Variants in GZF1 observed in about 807,000 individuals in gnomAD.
GZF1 encodes GDNF inducible zinc finger protein 1.
Under a neutral mutation model 49.4 loss-of-function variants are expected in GZF1, and 28 were observed. The ratio of observed to expected loss-of-function variants is 0.57; its 90% CI spans 0.42 to 0.78. The LOEUF is 0.78. Among genes scored for constraint, GZF1 ranks in the 30% least tolerant of loss-of-function variants. The probability of loss-of-function intolerance (pLI) is 0.00; values close to 1 mark genes in which losing one functional copy is unlikely to be tolerated. For missense variants in GZF1, 798 were observed against 916.2 expected (o/e 0.87, Z 1.67); for synonymous variants, 364 against 356.0 (o/e 1.02, Z -0.25).
In GZF1 at chr20:23,365,027, C is replaced by T. The variant is rs1981141630; in HGVS notation, c.644C>T (p.Pro215Leu). The change falls in exon 2 of 6, where the codon CCC (proline) becomes CTC (leucine). Residue 215 changes from proline to leucine, a missense_variant. Pro to Leu is a moderately conservative substitution (Grantham distance 98). Around this residue, in one of 3 missense-constraint regions of GZF1, gnomAD observed 247 missense variants for 228.5 expected, o/e 1.08. Transcript: ENST00000338121. ...LDKKKEVVKPPYPKIRRASGR... is the reference protein window; with the variant it reads ...LDKKKEVVKPLYPKIRRASGR... ...AAGAAGAAAGAGGTAGTTAAACCTC[C>T]CTACCCTAAAATCAGGAGAGCTAGT... The T allele has an allele frequency of 3.1e-6, 5 of 1,614,026 alleles. No homozygotes were observed. The highest frequency in any genetic ancestry group is 4.2e-6 in the Non-Finnish European group (5 of 1,180,040).
chr20:23,368,267 G>A (rs1420339104), intron 3 of GZF1, among the ~76,000 whole-genome samples: 1 of 152,200 alleles, frequency 6.6e-6, no homozygotes, highest in African/African-American at 2.4e-5. Flanking sequence ...TGGTAAGTCT[G>A]ATTTGTGGGA....
Position 23,368,864 on chromosome 20 carries a change from G to T in GZF1, c.1562G>T (p.Cys521Phe), listed in dbSNP as rs765319099. 3 of 1,613,992 alleles carry T rather than the reference G, an allele frequency of 1.9e-6. No individual in the cohort carries two copies. In the East Asian group the frequency reaches 6.7e-5, roughly 36 times the overall value. The stretch of plus-strand genomic sequence containing the variant: ...CATACTGGATCCAAACCCTTTAAAT[G>T]TGAAGTATGTTTCAGGACTTTTGCC... The part of the protein sequence containing the change: ...RIHTGSKPFK[C>F]EVCFRTFAQR... Residue 521 changes from cysteine to phenylalanine, a missense_variant, in exon 4 of 6, where the codon TGT becomes TTT. Cys to Phe is a radical substitution (Grantham distance 205, BLOSUM62 -2). This residue lies in a region of GZF1 where 446 missense variants were observed against 540.1 expected (regional missense o/e 0.83). Coordinates refer to ENST00000338121, the MANE Select transcript of GZF1 (RefSeq NM_022482.5).
chr20:23,362,385 GC>G, intron 1 of GZF1, 148 bp downstream of exon 1: 1 of 152,632 alleles, frequency 6.6e-6, no homozygotes. Flanking sequence ...GATCCACGCG[GC>G]CCCGGATGCC....
chr20:23,364,284 G>A (rs980721837), intron 1 of GZF1, 79 bp from the exon 2 acceptor site: 1 of 777,820 alleles, frequency 1.3e-6, no homozygotes, highest in South Asian at 1.7e-5. Context: ...ATCCTCTCAA[G>A]TACTGAAGGA....
rs2123086788 is a variant in GZF1, at chr20:23,370,485, G to GA, written c.*44_*45insA. 1 of 1,252,474 alleles carries GA rather than the reference G, an allele frequency of 8.0e-7. No homozygotes were observed. The highest frequency in any genetic ancestry group is 2.3e-5 in the East Asian group (1 of 43,188). The allele number at this position is 1,252,474 out of a possible 1,614,324, so 77.6% of individuals were successfully genotyped here. A position where few individuals can be genotyped will look rare whatever the true frequency, so the allele number is the denominator to read the frequency against. Reference sequence around the variant, plus strand: ...ATCCTGTTAGTCTGCGTGTGTGGTAGCTGAACTCAAGATGATGTGGGGCTA... The same window carrying GA: ...ATCCTGTTAGTCTGCGTGTGTGGTAGACTGAACTCAAGATGATGTGGGGCTA... On this transcript the variant is annotated 3_prime_UTR_variant, in exon 6 of 6. Transcript: ENST00000338121.
chr20:23,368,623 A>G (rs893585151), intron 3 of GZF1, 139 bp from the exon 4 acceptor site: 10 of 472,182 alleles, frequency 2.1e-5, no homozygotes, highest in African/African-American at 1.0e-4. Flanking sequence ...ATATTTTATG[A>G]TAGTTTTTAC....
intron 2 of GZF1, among the ~76,000 whole-genome samples, chr20:23,366,675 A>G (rs1248536807): frequency 6.6e-6 from 1 of 152,212 alleles, no homozygotes; most frequent in Non-Finnish European, 1.5e-5. Flanking sequence ...AGCTTTACAA[A>G]TATCAGATTG....
Position 23,368,884 on chromosome 20 carries a change from T to C in GZF1, c.1582T>C (p.Phe528Leu). ...PFKCEVCFRT[F>L]AQRNSLYQHI... The stretch of plus-strand genomic sequence containing the variant: ...TAAATGTGAAGTATGTTTCAGGACT[T>C]TTGCCCAGCGGAATTCACTGTACCA... Residue 528 changes from phenylalanine to leucine, a missense_variant, in exon 4 of 6, where the codon TTT (phenylalanine) becomes CTT (leucine). Coordinates refer to ENST00000338121, the MANE Select transcript of GZF1 (RefSeq NM_022482.5). 6.2e-7 allele frequency: 1 copy of C among 1,613,926 alleles called. No homozygotes were observed. The highest frequency in any genetic ancestry group is 1.1e-5 in the South Asian group (1 of 91,038).
At chr20:23,368,733 TTA>T (rs752120343) in intron 3 of GZF1, 27 bp from the exon 4 acceptor site, 16 of 1,583,288 alleles carry the variant, frequency 1.0e-5, no homozygotes, top group East Asian at 6.8e-5. Flanking sequence ...CCTGTATTGT[TTA>T]TGACTTTATT....
Position 23,364,988 on chromosome 20 carries a change from A to C in GZF1, c.605A>C (p.Lys202Thr). 6.2e-7 allele frequency: 1 copy of C among 1,614,248 alleles called. No homozygotes were observed. Among genetic ancestry groups the C allele is most frequent in the Non-Finnish European group, 8.5e-7 (1 of 1,180,056 alleles). Reference sequence around the variant, plus strand: ...TCAGATTTGCCACCGAAGAAGTCCAAGGACAAACTAGACAAGAAGAAAGAG... The same window carrying C: ...TCAGATTTGCCACCGAAGAAGTCCACGGACAAACTAGACAAGAAGAAAGAG... Reference protein sequence around the residue: ...MSSDLPPKKSKDKLDKKKEVV... With the variant: ...MSSDLPPKKSTDKLDKKKEVV... Residue 202 changes from lysine to threonine, a missense_variant, in exon 2 of 6, where the codon AAG becomes ACG. This residue lies in a region of GZF1 where 247 missense variants were observed against 228.5 expected (regional missense o/e 1.08). Coordinates refer to ENST00000338121, the MANE Select transcript of GZF1 (RefSeq NM_022482.5).
intron 5 of GZF1, 124 bp from the exon 6 acceptor site, chr20:23,369,967 G>A (rs1370971394): frequency 1.2e-5 from 11 of 926,932 alleles, no homozygotes; most frequent in Non-Finnish European, 1.7e-5. Context: ...AACAGTGAGG[G>A]TGGTGGCAGG....
chr20:23,368,811 G>A lies in GZF1; in HGVS notation c.1509G>A (p.Lys503=), dbSNP rs1425080967. 6.2e-7 allele frequency: 1 copy of A among 1,612,796 alleles called. No individual in the cohort carries two copies. The highest frequency in any genetic ancestry group is 2.2e-5 in the East Asian group (1 of 44,846). ...CATGTGGCAAGAGTTTTGCTTCTAA[G>A]GAGTACTTAAAACACCACAATAGAA... ...CETCGKSFAS[K]EYLKHHNRIH... is the part of the protein sequence containing the mutation. The change falls in exon 4 of 6, where the codon AAG becomes AAA. Residue 503 remains lysine, a synonymous_variant. Transcript: ENST00000338121.
chr20:23,366,651 A>T (rs967396959), intron 2 of GZF1, among the ~76,000 whole-genome samples: 6 of 152,216 alleles, frequency 3.9e-5, no homozygotes, highest in Non-Finnish European at 8.8e-5. Flanking sequence ...GTGGCTGATT[A>T]TTCTGTATGA....
chr20:23,366,388 G>A (rs1343117443), intron 2 of GZF1, among the ~76,000 whole-genome samples: 1 of 152,160 alleles, frequency 6.6e-6, no homozygotes, highest in Non-Finnish European at 1.5e-5. Flanking sequence ...TCAGTCTTGG[G>A]TTAGCAGCAT....
rs749817571 is a variant in GZF1 at position 23,368,756 on chromosome 20, A to T, written c.1460-6A>T. The T allele has an allele frequency of 1.3e-6, 2 of 1,597,046 alleles. No individual in the cohort carries two copies. Among genetic ancestry groups the T allele is most frequent in the Non-Finnish European group, 1.7e-6 (2 of 1,171,320 alleles). On this transcript the variant is annotated splice_polypyrimidine_tract_variant and splice_region_variant and intron_variant, in intron 3 of 5. Coordinates refer to ENST00000338121, the MANE Select transcript of GZF1 (RefSeq NM_022482.5). ...GTTTATGACTTTATTTCATTTTCTC[A>T]TGTAGGTGAAAGACCTTTTATGTGT...
Position 23,370,366 on chromosome 20 carries a change from C to T in GZF1, c.2061C>T (p.Ile687=), listed in dbSNP as rs1273241862. Residue 687 remains isoleucine, a synonymous_variant, in exon 6 of 6, where the codon ATC becomes ATT. Transcript: ENST00000338121. ...AGGACACCCTCCTGGCCACCACCAT[C>T]AGTGAGCTTAGCGAGCTGACCCCAC... ...VSQDTLLATT[I]SELSELTPQT... 6.2e-7 allele frequency: 1 copy of T among 1,614,064 alleles called. No individual in the cohort carries two copies. The highest frequency in any genetic ancestry group is 8.5e-7 in the Non-Finnish European group (1 of 1,179,960).
chr20:23,365,593 G>T lies in GZF1; in HGVS notation c.1210G>T (p.Gly404Cys). The part of the protein sequence containing the change: ...RHVLQVHEGG[G>C]ERHRCGQCGK... ...CGTGCTGCAGGTGCATGAGGGCGGC[G>T]GCGAGCGGCACCGCTGCGGCCAGTG... Residue 404 changes from glycine to cysteine, a missense_variant, in exon 2 of 6, where the codon GGC becomes TGC. Around this residue, in one of 3 missense-constraint regions of GZF1, gnomAD observed 446 missense variants for 540.1 expected, o/e 0.83. Coordinates refer to ENST00000338121, the MANE Select transcript of GZF1 (RefSeq NM_022482.5). 6.2e-7 allele frequency: 1 copy of T among 1,609,196 alleles called. No individual in the cohort carries two copies.
Position 23,368,742 on chromosome 20 carries a change from T to C in GZF1, c.1460-20T>C. 2 of 1,591,242 alleles carry C rather than the reference T, an allele frequency of 1.3e-6. No homozygotes were observed. The highest frequency in any genetic ancestry group is 1.7e-6 in the Non-Finnish European group (2 of 1,167,468). ...TTAATGCCTGTATTGTTTATGACTTTATTTCATTTTCTCATGTAGGTGAAA... is the reference window on the plus strand; with the variant it reads ...TTAATGCCTGTATTGTTTATGACTTCATTTCATTTTCTCATGTAGGTGAAA... On this transcript the variant is annotated intron_variant, in intron 3 of 5. Transcript: ENST00000338121.
upstream of GZF1, among the ~76,000 whole-genome samples, chr20:23,361,463 T>C (rs1936012): frequency 0.88 from 134,521 of 152,286 alleles, 59,771 homozygotes; most frequent in East Asian, 1. Flanking sequence ...TGAACAAAGC[T>C]TTCGCCCGAA....
Sources: allele counts gnomAD v4.1 joint callset (sites outside exome capture counted in the v4.1 genomes callset), GRCh38; gene constraint gnomAD v4.1.1; regional missense constraint gnomAD v4.1.1; transcripts MANE v1.5; gene names NCBI Gene and HGNC (gene_info 2026-07-23, HGNC 2026-07-21).